Variants in GLI1 observed in about 807,000 individuals in gnomAD.
The protein encoded by GLI1 is GLI family zinc finger 1.
A neutral mutation model predicts 87.8 loss-of-function variants in GLI1; 51 were observed. The observed-to-expected ratio is 0.58, with a 90% CI of 0.46 to 0.73. The LOEUF (loss-of-function observed/expected upper bound fraction) is 0.73. Ranked by LOEUF, GLI1 falls within the 30% of genes least tolerant of loss-of-function variation. The pLI is 0.00. For missense variants in GLI1, 1,292 were observed against 1,437.2 expected, an observed-to-expected ratio of 0.90 and a Z score of 1.63; for synonymous variants, 528 against 558.2, an observed-to-expected ratio of 0.95 and a Z score of 0.76.
intron 4 of GLI1, 27 bp downstream of exon 4, chr12:57,464,895 C>A: frequency 6.6e-7 from 1 of 1,523,906 alleles, no homozygotes; most frequent in Non-Finnish European, 9.1e-7. Context: ...GCCAAGAGGC[C>A]CCTAAAGCCC....
In GLI1 at chr12:57,471,032, C is replaced by T. The variant is rs1486986666; in HGVS notation, c.2292C>T (p.Asn764=). Residue 764 remains asparagine, a synonymous_variant, in exon 12 of 12, where the codon AAC becomes AAT. Transcript: ENST00000228682. The surrounding 1 kb of genome is among the most constrained non-coding windows in gnomAD (Gnocchi z 4.9). ...GTCCACCCACCAACTATGGCCCCAACCCCTGTCCCCAGCAGGCCTCATATC... is the reference window on the plus strand; with the variant it reads ...GTCCACCCACCAACTATGGCCCCAATCCCTGTCCCCAGCAGGCCTCATATC... ...GPGPPTNYGP[N]PCPQQASYPD... The T allele has an allele frequency of 1.2e-6, 2 of 1,610,492 alleles. No homozygotes were observed. Among genetic ancestry groups the T allele is most frequent in the Non-Finnish European group, 1.7e-6 (2 of 1,178,150 alleles).
Position 57,472,258 on chromosome 12 carries a change from A to C in GLI1, c.*197A>C. The C allele has an allele frequency of 3.3e-6, 2 of 597,826 alleles. No individual in the cohort carries two copies. The allele number at this position is 597,826 out of a possible 1,614,324, so 37.0% of individuals were successfully genotyped here. The stretch of plus-strand genomic sequence containing the variant: ...TGTTTCCTGATAATAAAGGAACTGC[A>C]TCAGAAAAAATACCATGCCACTTTA... On this transcript the variant is annotated 3_prime_UTR_variant, in exon 12 of 12. Transcript: ENST00000228682.
In GLI1 at chr12:57,471,473, G is replaced by T. The variant is rs1364142518; in HGVS notation, c.2733G>T (p.Glu911Asp). The change falls in exon 12 of 12, where the codon GAG becomes GAT. Residue 911 changes from glutamate to aspartate, a missense_variant. Coordinates refer to ENST00000228682, the MANE Select transcript of GLI1 (RefSeq NM_005269.3). The surrounding 1 kb of genome is among the most constrained non-coding windows in gnomAD (Gnocchi z 4.9). ...YVQSQQELLW[E>D]GGGREDAPAQ... ...AATCTCAACAGGAGCTACTGTGGGA[G>T]GGTGGGGGCAGGGAAGATGCCCCCG... The T allele has an allele frequency of 1.9e-6, 3 of 1,612,592 alleles. No individual in the cohort carries two copies. In the African/African-American group the frequency reaches 4.0e-5, roughly 22 times the overall value.
At chr12:57,464,539 A>AAG in intron 3 of GLI1, 134 bp from the exon 4 acceptor site, 1 of 637,298 alleles carries the variant, frequency 1.6e-6, no homozygotes, top group Non-Finnish European at 2.7e-6. Context: ...AAAAAAAAAA[A>AAG]AAAGTCACAG....
Position 57,464,824 on chromosome 12 carries a change from A to T in GLI1, c.345A>T (p.Thr115=), listed in dbSNP as rs749531780. Residue 115 remains threonine, a synonymous_variant, in exon 4 of 12, where the codon ACA becomes ACT. Coordinates refer to ENST00000228682, the MANE Select transcript of GLI1 (RefSeq NM_005269.3). ...SLVAFINSRC[T]SPGGSYGHLS... is the part of the protein sequence containing the mutation. ...TAGCTTTCATCAACTCGCGATGCAC[A>T]TCTCCAGGAGGCTCCTACGGTCATC... 12 of 1,614,056 alleles carry T rather than the reference A, an allele frequency of 7.4e-6. No homozygotes were observed. In the South Asian group the frequency reaches 1.1e-4, roughly 15 times the overall value.
At chr12:57,462,309 G>T (rs1209818242) in intron 1 of GLI1, among the ~76,000 whole-genome samples, 1 of 152,104 alleles carries the variant, frequency 6.6e-6, no homozygotes, top group Non-Finnish European at 1.5e-5. Flanking sequence ...TTAGAAAAGG[G>T]TACAGCCCAG....
At chr12:57,466,666 G>C (rs1274802154) in intron 8 of GLI1, among the ~76,000 whole-genome samples, 1 of 152,158 alleles carries the variant, frequency 6.6e-6, no homozygotes, top group Non-Finnish European at 1.5e-5. Flanking sequence ...CACTTTGGGA[G>C]GCTGAGCCAG....
intron 3 of GLI1, 24 bp from the exon 4 acceptor site, chr12:57,464,649 C>G (rs377697780): frequency 1.3e-6 from 2 of 1,590,140 alleles, no homozygotes; most frequent in African/African-American, 1.3e-5. Flanking sequence ...TTACCATATC[C>G]GTCTCCGCTG....
intron 5 of GLI1, 44 bp from the exon 6 acceptor site, chr12:57,465,560 TCTG>T (rs772462949): frequency 2.6e-5 from 39 of 1,497,430 alleles, no homozygotes; most frequent in Non-Finnish European, 3.4e-5. Flanking sequence ...TCCTCTTCCT[TCTG>T]CTTACTTCCA....
chr12:57,465,763 C>G (rs1482059327), intron 6 of GLI1, 25 bp from the exon 7 acceptor site: 1 of 1,613,932 alleles, frequency 6.2e-7, no homozygotes, highest in Non-Finnish European at 8.5e-7. Context: ...CCCAAGTGAC[C>G]CTGAGATTGC....
At chr12:57,461,022 G>T (rs373964175) in intron 1 of GLI1, among the ~76,000 whole-genome samples, 47 of 152,198 alleles carry the variant, frequency 3.1e-4, no homozygotes, top group African/African-American at 1.1e-3. Flanking sequence ...CCAAACGGGA[G>T]CTGGGGATCG....
chr12:57,467,561 T>A, intron 9 of GLI1, 64 bp downstream of exon 9: 1 of 1,371,406 alleles, frequency 7.3e-7, no homozygotes, highest in Non-Finnish European at 1.0e-6. Context: ...GATTCCCCCA[T>A]AAGAAATCCC....
At chr12:57,460,361 C>G (rs558622455) in intron 1 of GLI1, 160 bp downstream of exon 1, 1 of 152,436 alleles carries the variant, frequency 6.6e-6, no homozygotes, top group South Asian at 2.1e-4. Context: ...AGATTTTTCA[C>G]TTGTGTCTTT....
chr12:57,464,595 C>T, intron 3 of GLI1, 78 bp from the exon 4 acceptor site: 1 of 1,000,782 alleles, frequency 1.0e-6, no homozygotes, highest in Non-Finnish European at 1.5e-6. Flanking sequence ...TTGGTTTTGC[C>T]AAGTCAGGAC....
Position 57,467,410 on chromosome 12 carries a change from A to G in GLI1, c.990A>G (p.Pro330=). 6.2e-7 allele frequency: 1 copy of G among 1,613,294 alleles called. No homozygotes were observed. The highest frequency in any genetic ancestry group is 8.5e-7 in the Non-Finnish European group (1 of 1,179,294). Residue 330 remains proline (P), a synonymous_variant, in exon 9 of 12, where the codon CCA becomes CCG. Transcript: ENST00000228682. ...TGCGGTCACACACGGGTGAGAAGCCATACATGTGTGAGCACGAGGGCTGCA... is the reference window on the plus strand; with the variant it reads ...TGCGGTCACACACGGGTGAGAAGCCGTACATGTGTGAGCACGAGGGCTGCA... ...THLRSHTGEK[P]YMCEHEGCSK...
chr12:57,461,669 C>T (rs1594740116), intron 1 of GLI1, among the ~76,000 whole-genome samples: 2 of 152,248 alleles, frequency 1.3e-5, no homozygotes, highest in African/African-American at 4.8e-5. Flanking sequence ...CCCTATGGCT[C>T]GCTCTACTGG....
Position 57,469,489 on chromosome 12 carries a change from G to A in GLI1, c.1367G>A (p.Gly456Glu), listed in dbSNP as rs1305707895. 1.2e-6 allele frequency: 2 copies of A among 1,614,014 alleles called. No individual in the cohort carries two copies. The highest frequency in any genetic ancestry group is 1.7e-6 in the Non-Finnish European group (2 of 1,179,992). The change falls in exon 11 of 12, where the codon GGG (glycine) becomes GAG (glutamate). Residue 456 changes from glycine to glutamate, a missense_variant. Gly to Glu is a moderately conservative substitution (Grantham distance 98). This residue lies in a region of GLI1 where 897 missense variants were observed against 1,040.7 expected (regional missense o/e 0.86). Coordinates refer to ENST00000228682, the MANE Select transcript of GLI1 (RefSeq NM_005269.3). ...SSCSSDHSPAGSAANTDSGVE... is the reference protein window; with the variant it reads ...SSCSSDHSPAESAANTDSGVE... ...TGCAGCAGTGACCACTCCCCGGCAG[G>A]GAGTGCAGCCAATACAGACAGTGGT...
In GLI1 at chr12:57,464,879, C is replaced by A; in HGVS notation, c.389+11C>A. The A allele has an allele frequency of 6.2e-7, 1 of 1,602,704 alleles. No homozygotes were observed. Reference sequence around the variant, plus strand: ...CATTGGCACCATGAGGTGCAGTCAGCCCCGGGCCAAGAGGCCCCTAAAGCC... The same window carrying A: ...CATTGGCACCATGAGGTGCAGTCAGACCCGGGCCAAGAGGCCCCTAAAGCC... On this transcript the variant is annotated intron_variant, in intron 4 of 11. Coordinates refer to ENST00000228682, the MANE Select transcript of GLI1 (RefSeq NM_005269.3).
chr12:57,470,170 G>C, intron 11 of GLI1, 147 bp from the exon 12 acceptor site: 1 of 673,306 alleles, frequency 1.5e-6, no homozygotes, highest in East Asian at 2.5e-5. Flanking sequence ...AACAGAATAG[G>C]CATGGGAGAA....
Sources: allele counts gnomAD v4.1 joint callset (sites outside exome capture counted in the v4.1 genomes callset), GRCh38; gene constraint gnomAD v4.1.1; regional missense constraint gnomAD v4.1.1; non-coding constraint Gnocchi (gnomAD v3.1); transcripts MANE v1.5; gene names NCBI Gene and HGNC (gene_info 2026-07-23, HGNC 2026-07-21).